Variants in PIWIL4 observed in about 807,000 individuals in gnomAD.
PIWIL4 encodes piwi like RNA-mediated gene silencing 4.
In PIWIL4, 50 loss-of-function variants were observed where a neutral mutation model predicts 100.9. That is an observed-to-expected ratio of 0.50 (90% CI 0.39 to 0.63). The LOEUF (loss-of-function observed/expected upper bound fraction) is 0.63. PIWIL4 is among the 20% of genes least tolerant of loss of function. The pLI is 0.00. For synonymous variants in PIWIL4, 342 were observed against 367.5 expected, an observed-to-expected ratio of 0.93 and a Z score of 0.79; for missense variants, 887 against 1,043.3, an observed-to-expected ratio of 0.85 and a Z score of 2.06.
At chr11:94,609,643 C>A (rs1392787767) in intron 15 of PIWIL4, among the ~76,000 whole-genome samples, 1 of 151,898 alleles carries the variant, frequency 6.6e-6, no homozygotes, top group East Asian at 1.9e-4. Flanking sequence ...CTTTGTATAT[C>A]TAAAATTTAT....
intron 16 of PIWIL4, among the ~76,000 whole-genome samples, chr11:94,616,858 G>A (rs576468883): frequency 6.6e-6 from 1 of 152,310 alleles, no homozygotes; most frequent in East Asian, 1.9e-4. Context: ...ACCAACCCTG[G>A]AGGAACTCGA....
At chr11:94,568,621 C>T (rs1456771093) in intron 1 of PIWIL4, 109 bp from the exon 2 acceptor site, 5 of 769,454 alleles carry the variant, frequency 6.5e-6, no homozygotes, top group Non-Finnish European at 1.1e-5. Flanking sequence ...TTAACATTTT[C>T]TTTGCCTAGT....
chr11:94,602,746 T>G (rs570469313), intron 12 of PIWIL4, among the ~76,000 whole-genome samples: 56 of 152,336 alleles, frequency 3.7e-4, no homozygotes, highest in African/African-American at 1.3e-3. Flanking sequence ...AAACACATAG[T>G]TACTAATTAA....
At chr11:94,586,000 G>T (rs1948393779) in intron 6 of PIWIL4, among the ~76,000 whole-genome samples, 1 of 152,148 alleles carries the variant, frequency 6.6e-6, no homozygotes, top group African/African-American at 2.4e-5. Context: ...GCTATGTCTT[G>T]AACTGGTTGT....
chr11:94,571,359 A>G (rs1006073840), intron 2 of PIWIL4, among the ~76,000 whole-genome samples: 2 of 152,180 alleles, frequency 1.3e-5, no homozygotes, highest in East Asian at 3.9e-4. Flanking sequence ...ATATGTATAC[A>G]TGTGCCATGT....
At position 94,589,103 on chromosome 11, in the gene PIWIL4, A is replaced by C; in HGVS notation, c.915-18A>C. 6.4e-7 allele frequency: 1 copy of C among 1,562,448 alleles called. No homozygotes were observed. Among genetic ancestry groups the C allele is most frequent in the Non-Finnish European group, 8.8e-7 (1 of 1,136,356 alleles). On this transcript the variant is annotated intron_variant, in intron 7 of 19. Transcript: ENST00000299001. ...TAGATGATTAAAAAACAATTTAAAG[A>C]CTTTTTATATTTGGCAGATACAATA...
Position 94,620,044 on chromosome 11 carries a change from G to T in PIWIL4, c.2342G>T (p.Ser781Ile). Residue 781 changes from serine (S) to isoleucine (I), a missense_variant, in exon 19 of 20, where the codon AGT (serine) becomes ATT (isoleucine). This residue lies in a region of PIWIL4 where 741 missense variants were observed against 930.0 expected (regional missense o/e 0.80). Coordinates refer to ENST00000299001, the MANE Select transcript of PIWIL4 (RefSeq NM_152431.3). The stretch of plus-strand genomic sequence containing the variant: ...CAGGTGGCCTGCCGGGGAACTGTTA[G>T]TCCTACCTACTATAATGTCATCTAT... The part of the protein sequence containing the change: ...ISQVACRGTV[S>I]PTYYNVIYDD... 1.9e-6 allele frequency: 3 copies of T among 1,614,094 alleles called. No homozygotes were observed. In the African/African-American group the frequency reaches 4.0e-5, roughly 22 times the overall value.
At chr11:94,570,035 C>A (rs1441384417) in intron 2 of PIWIL4, among the ~76,000 whole-genome samples, 1 of 152,106 alleles carries the variant, frequency 6.6e-6, no homozygotes, top group African/African-American at 2.4e-5. Context: ...ATGGTAGAAA[C>A]CTGGTATCTA....
At position 94,603,972 on chromosome 11, in the gene PIWIL4, C is replaced by G; in HGVS notation, c.1566-12C>G. On this transcript the variant is annotated splice_polypyrimidine_tract_variant and intron_variant, in intron 12 of 19. Transcript: ENST00000299001. The stretch of plus-strand genomic sequence containing the variant: ...GAAGTTACATAGCTTCAAAATTAAT[C>G]TTTTTATGTAGCATAAAAGTACAAG... 6.4e-7 allele frequency: 1 copy of G among 1,562,302 alleles called. No individual in the cohort carries two copies. The highest frequency in any genetic ancestry group is 1.1e-5 in the South Asian group (1 of 88,532).
At chr11:94,611,264 A>C (rs1156901348) in intron 15 of PIWIL4, among the ~76,000 whole-genome samples, 1 of 152,190 alleles carries the variant, frequency 6.6e-6, no homozygotes, top group Non-Finnish European at 1.5e-5. Context: ...TCCCAGGTAT[A>C]AATCCCATTT....
At chr11:94,569,724 T>C (rs1948122918) in intron 2 of PIWIL4, among the ~76,000 whole-genome samples, 1 of 151,340 alleles carries the variant, frequency 6.6e-6, no homozygotes, top group Non-Finnish European at 1.5e-5. Context: ...GAAAGTCAAA[T>C]CCTGCATGTT....
At chr11:94,596,331 A>G (rs1948558856) in intron 10 of PIWIL4, among the ~76,000 whole-genome samples, 1 of 151,922 alleles carries the variant, frequency 6.6e-6, no homozygotes, top group Non-Finnish European at 1.5e-5. Flanking sequence ...CAAAGAAAGG[A>G]GAGAGAAAAG....
chr11:94,578,709 T>A (rs1489009497), intron 4 of PIWIL4, among the ~76,000 whole-genome samples: 1 of 152,246 alleles, frequency 6.6e-6, no homozygotes, highest in South Asian at 2.1e-4. Context: ...AGGGTCTCTG[T>A]TCAAATTGAG....
intron 4 of PIWIL4, among the ~76,000 whole-genome samples, chr11:94,579,671 G>A (rs1179185249): frequency 2.0e-5 from 3 of 152,202 alleles, no homozygotes; most frequent in Non-Finnish European, 2.9e-5. Context: ...TTGAGTGATT[G>A]TTGCATTGGA....
chr11:94,591,222 T>C (rs949396349), intron 8 of PIWIL4, among the ~76,000 whole-genome samples: 19 of 152,170 alleles, frequency 1.2e-4, no homozygotes, highest in African/African-American at 4.6e-4. Context: ...ACCCCATGCC[T>C]TTATCACCCC....
intron 9 of PIWIL4, among the ~76,000 whole-genome samples, chr11:94,594,448 A>G (rs771298090): frequency 2.0e-5 from 3 of 150,504 alleles, no homozygotes; most frequent in Non-Finnish European, 3.0e-5. Flanking sequence ...CCTGAGTGAC[A>G]GAGCAAGACT....
intron 15 of PIWIL4, 47 bp from the exon 16 acceptor site, chr11:94,616,446 G>GAA: frequency 7.0e-7 from 1 of 1,435,534 alleles, no homozygotes; most frequent in East Asian, 2.4e-5. Flanking sequence ...ATTTATGGTA[G>GAA]AAAAATTGAA....
chr11:94,588,252 G>T (rs1428174840), intron 7 of PIWIL4, among the ~76,000 whole-genome samples: 1 of 152,110 alleles, frequency 6.6e-6, no homozygotes, highest in Non-Finnish European at 1.5e-5. Flanking sequence ...GAGGATAATG[G>T]CTTCCAGCTC....
At position 94,567,477 on chromosome 11, in the gene PIWIL4, A is replaced by G; in HGVS notation, c.-42A>G. 6.7e-7 allele frequency: 1 copy of G among 1,487,282 alleles called. No individual in the cohort carries two copies. The highest frequency in any genetic ancestry group is 2.2e-5 in the Admixed American group (1 of 45,530). The allele number at this position is 1,487,282 out of a possible 1,614,324, so 92.1% of individuals were successfully genotyped here. A position where few individuals can be genotyped will look rare whatever the true frequency, so the allele number is the denominator to read the frequency against. On this transcript the variant is annotated 5_prime_UTR_variant, in exon 1 of 20. Coordinates refer to ENST00000299001, the MANE Select transcript of PIWIL4 (RefSeq NM_152431.3). ...GCCAAAGCAAAACATATCCTAACTG[A>G]GACTTTGCAGCTCTTGTGGCCACTC... is the stretch of plus-strand genomic sequence containing the variant.
Sources: allele counts gnomAD v4.1 joint callset (sites outside exome capture counted in the v4.1 genomes callset), GRCh38; gene constraint gnomAD v4.1.1; regional missense constraint gnomAD v4.1.1; transcripts MANE v1.5; gene names NCBI Gene and HGNC (gene_info 2026-07-23, HGNC 2026-07-21).